NACC2: variants seen among roughly 807,000 people sequenced by gnomAD.
NACC2 encodes nucleus accumbens-associated protein 2.
A neutral mutation model predicts 25.1 loss-of-function variants in NACC2; 8 were observed. The ratio of observed to expected loss-of-function variants is 0.32; its 90% CI spans 0.19 to 0.57. The LOEUF (loss-of-function observed/expected upper bound fraction) is 0.57, where lower values mean the gene tolerates loss of function less well. NACC2 is among the 20% of genes least tolerant of loss of function. The pLI is 0.89. For missense variants in NACC2, 644 were observed against 650.2 expected, an observed-to-expected ratio of 0.99 and a Z score of 0.10; for synonymous variants, 435 against 294.7, an observed-to-expected ratio of 1.48 and a Z score of -4.88.
At chr9:136,016,501 C>A (rs1564217824) in intron 2 of NACC2, 72 bp from the exon 3 acceptor site, 3 of 1,575,074 alleles carry the variant, frequency 1.9e-6, no homozygotes, top group African/African-American at 1.3e-5. Context: ...GCCCGCCTGC[C>A]CTCCATGCTC....
chr9:136,035,262 C>A (rs1335098), intron 2 of NACC2, among the ~76,000 whole-genome samples: 21,403 of 151,924 alleles, frequency 0.14, 1,838 homozygotes, highest in South Asian at 0.2. Context: ...CTGGCAGAGA[C>A]CACCTGCACC....
chr9:136,090,818 C>T (rs992097530), intron 1 of NACC2, among the ~76,000 whole-genome samples: 3 of 152,144 alleles, frequency 2.0e-5, no homozygotes, highest in African/African-American at 7.2e-5. Flanking sequence ...GCCCCGGTGG[C>T]TGAGCTGGGG....
rs965143708 is a variant in NACC2 at position 136,008,235 on chromosome 9, C to T, written c.*3281G>A. ...CCGAGGCACCCAGCCAGGCGCGGCC[C>T]GCCGGGCTCACAGTATCTGTCACAC... On this transcript the variant is annotated 3_prime_UTR_variant, in exon 6 of 6. Transcript: ENST00000277554. 5.3e-5 allele frequency: 8 copies of T among 152,318 alleles called. No homozygotes were observed. The highest frequency in any genetic ancestry group is 2.1e-4 in the South Asian group (1 of 4,834). The allele number at this position is 152,318 out of a possible 1,614,324, so 9.4% of individuals were successfully genotyped here.
chr9:136,056,702 C>T (rs1840929801), intron 1 of NACC2, among the ~76,000 whole-genome samples: 1 of 152,208 alleles, frequency 6.6e-6, no homozygotes, highest in Non-Finnish European at 1.5e-5. Flanking sequence ...ACTGTCGCCC[C>T]AGCCTGGGAG....
chr9:136,024,027 C>T (rs1439214920), intron 2 of NACC2, among the ~76,000 whole-genome samples: 1 of 152,210 alleles, frequency 6.6e-6, no homozygotes, highest in East Asian at 1.9e-4. Flanking sequence ...CTGTGAGTTC[C>T]TCTGGGAGAC....
rs1196098213 is a variant in NACC2, at chr9:136,041,021, A to AAGG, written c.886+8614_886+8615insCCT. ...AGGAAAGAAAGGAAGGAAGGAAAGG[A>AAGG]AAGGAAAGAAGGAAAGAAAAGGAAG... On this transcript the variant is annotated intron_variant, in intron 2 of 5. Transcript: ENST00000277554. Among the ~76,000 whole-genome samples the AAGG allele has an allele frequency of 3.7e-3, 373 of 101,840 alleles. 6 individuals carry two copies. The South Asian group carries it at 0.057, about 16-fold the overall frequency. The allele number at this position is 101,840 out of a possible 152,430, so 66.8% of individuals were successfully genotyped here.
chr9:136,018,039 G>A lies in NACC2; in HGVS notation c.887-1610C>T, dbSNP rs370890324. On this transcript the variant is annotated intron_variant, in intron 2 of 5. Coordinates refer to ENST00000277554, the MANE Select transcript of NACC2 (RefSeq NM_144653.5). This position sits in a 1 kb window ranked among gnomAD's most constrained non-coding sequence, Gnocchi z 4.4. The stretch of plus-strand genomic sequence containing the variant: ...GGTGGGGGGCGGGGGGCAGCTTGCA[G>A]GACCTGCTGGTCTCAGCTGTGCAGA... 0.01 allele frequency among the ~76,000 whole-genome samples: 1,527 copies of A among 152,286 alleles called. 32 individuals are homozygous for A. Among genetic ancestry groups the A allele is most frequent in the African/African-American group, 0.035 (1,434 of 41,562 alleles).
chr9:136,074,470 A>AATTAGCCAGGCAT, intron 1 of NACC2, among the ~76,000 whole-genome samples: 1 of 37,038 alleles, frequency 2.7e-5, no homozygotes, highest in African/African-American at 5.7e-5. Context: ...AAAAGAAAAA[A>AATTAGCCAGGCAT]GAAGAAAAAG....
chr9:136,013,429 G>C lies in NACC2; in HGVS notation c.1158-133C>G. 2.8e-6 allele frequency: 2 copies of C among 716,204 alleles called. No individual in the cohort carries two copies. The highest frequency in any genetic ancestry group is 4.7e-6 in the Non-Finnish European group (2 of 429,750). The allele number at this position is 716,204 out of a possible 1,614,324, so 44.4% of individuals were successfully genotyped here. On this transcript the variant is annotated intron_variant, in intron 4 of 5. Transcript: ENST00000277554. The surrounding 1 kb of genome is among the most constrained non-coding windows in gnomAD (Gnocchi z 6.6). ...TGGCTGGTCTGCGTGTGTCCCAGTG[G>C]CAGGAGCCGGCCCAGCCACCCTCTA...
intron 1 of NACC2, among the ~76,000 whole-genome samples, chr9:136,080,558 A>T (rs914663286): frequency 6.6e-6 from 1 of 152,006 alleles, no homozygotes; most frequent in African/African-American, 2.4e-5. Flanking sequence ...AACAACAGCG[A>T]AACTCCATCT....
chr9:136,030,445 TA>T (rs1840456934), intron 2 of NACC2, among the ~76,000 whole-genome samples: 1 of 151,636 alleles, frequency 6.6e-6, no homozygotes, highest in African/African-American at 2.4e-5. Flanking sequence ...CCATCTCTAC[TA>T]AAAATACAAA....
chr9:136,058,750 A>C (rs1260819480), intron 1 of NACC2, among the ~76,000 whole-genome samples: 2 of 152,214 alleles, frequency 1.3e-5, no homozygotes, highest in African/African-American at 4.8e-5. Context: ...AAAAAGGAAA[A>C]GATTCAACTC....
chr9:136,013,355 C>T lies in NACC2; in HGVS notation c.1158-59G>A, dbSNP rs879746182. ...GGATGATGGGGAGGGTACCTGGAGGCGACCCGCCCGCACGAATGCCCTGCT... is the reference window on the plus strand; with the variant it reads ...GGATGATGGGGAGGGTACCTGGAGGTGACCCGCCCGCACGAATGCCCTGCT... On this transcript the variant is annotated intron_variant, in intron 4 of 5. Coordinates refer to ENST00000277554, the MANE Select transcript of NACC2 (RefSeq NM_144653.5). This position sits in a 1 kb window ranked among gnomAD's most constrained non-coding sequence, Gnocchi z 6.6. The T allele has an allele frequency of 4.3e-5, 65 of 1,503,080 alleles. No homozygotes were observed. Among genetic ancestry groups the T allele is most frequent in the Non-Finnish European group, 5.7e-5 (62 of 1,091,350 alleles). The allele number at this position is 1,503,080 out of a possible 1,614,324, so 93.1% of individuals were successfully genotyped here.
At chr9:136,017,246 G>A (rs201703395) in intron 2 of NACC2, among the ~76,000 whole-genome samples, 9 of 152,264 alleles carry the variant, frequency 5.9e-5, no homozygotes, top group East Asian at 5.8e-4. Flanking sequence ...GCGCGACCCC[G>A]ATGGCACCAC....
chr9:136,008,567 C>G lies in NACC2; in HGVS notation c.*2949G>C, dbSNP rs1046698105. 6.6e-6 allele frequency: 1 copy of G among 152,302 alleles called. No individual in the cohort carries two copies. Among genetic ancestry groups the G allele is most frequent in the Non-Finnish European group, 1.5e-5 (1 of 68,098 alleles). The allele number at this position is 152,302 out of a possible 1,614,324, so 9.4% of individuals were successfully genotyped here. On this transcript the variant is annotated 3_prime_UTR_variant, in exon 6 of 6. Transcript: ENST00000277554. The stretch of plus-strand genomic sequence containing the variant: ...AGGGTCTGGATGAGTCAGGGTCACA[C>G]TCACAGGACAGGACAACCCCGGATT...
At chr9:136,080,604 C>G (rs1421026850) in intron 1 of NACC2, among the ~76,000 whole-genome samples, 2 of 152,106 alleles carry the variant, frequency 1.3e-5, no homozygotes, top group Non-Finnish European at 2.9e-5. Flanking sequence ...AACTCCAACG[C>G]TACTGCCAGC....
At chr9:136,065,949 T>C (rs1021280367) in intron 1 of NACC2, among the ~76,000 whole-genome samples, 2 of 151,962 alleles carry the variant, frequency 1.3e-5, no homozygotes, top group Non-Finnish European at 2.9e-5. Context: ...ATCCTAACAC[T>C]TTGGGAGGCC....
At chr9:136,081,954 A>C (rs1830328744) in intron 1 of NACC2, among the ~76,000 whole-genome samples, 1 of 152,098 alleles carries the variant, frequency 6.6e-6, no homozygotes. Context: ...CTCCTGCAGA[A>C]CTCAGAGATC....
intron 3 of NACC2, 83 bp from the exon 4 acceptor site, chr9:136,014,052 G>T: frequency 5.8e-6 from 4 of 684,522 alleles, no homozygotes; most frequent in South Asian, 1.9e-5. Context: ...TGAGGGGGAG[G>T]GGGGGAGGTG....
Sources: allele counts gnomAD v4.1 joint callset (sites outside exome capture counted in the v4.1 genomes callset), GRCh38; gene constraint gnomAD v4.1.1; non-coding constraint Gnocchi (gnomAD v3.1); transcripts MANE v1.5; gene names NCBI Gene and HGNC (gene_info 2026-07-23, HGNC 2026-07-21).